Variants in CDYL observed in about 807,000 individuals in gnomAD.
CDYL encodes the protein chromodomain Y-like protein.
CDYL carries 8 observed loss-of-function variants against 47.3 expected under a neutral mutation model. The ratio of observed to expected loss-of-function variants is 0.17; its 90% CI spans 0.10 to 0.31. The LOEUF (loss-of-function observed/expected upper bound fraction) is 0.31, where lower values mean the gene tolerates loss of function less well. CDYL is among the 10% of genes least tolerant of loss of function. The probability of loss-of-function intolerance (pLI) is 1.00; values close to 1 mark genes in which losing one functional copy is unlikely to be tolerated. For synonymous variants in CDYL, 266 were observed against 265.0 expected (o/e 1.00, Z -0.04); for missense variants, 471 against 701.4 (o/e 0.67, Z 3.71).
chr6:4,923,046 A>G (rs545258003), intron 2 of CDYL, among the ~76,000 whole-genome samples: 1 of 152,356 alleles, frequency 6.6e-6, no homozygotes, highest in East Asian at 1.9e-4. Flanking sequence ...GACCAAATCC[A>G]TCACTTCAGA....
At chr6:4,757,164 A>G (rs1449499814) in intron 3 of CDYL, among the ~76,000 whole-genome samples, 1 of 152,232 alleles carries the variant, frequency 6.6e-6, no homozygotes, top group Non-Finnish European at 1.5e-5. Flanking sequence ...TAGTGTTGAA[A>G]TAGTTGTCAT....
At chr6:4,807,108 GCT>G (rs1759392213) in intron 1 of CDYL, among the ~76,000 whole-genome samples, 1 of 152,138 alleles carries the variant, frequency 6.6e-6, no homozygotes, top group South Asian at 2.1e-4. Flanking sequence ...TTAGATTAGG[GCT>G]CACCCTCTAG....
chr6:4,751,468 T>C (rs1012283500), intron 3 of CDYL, among the ~76,000 whole-genome samples: 1 of 152,256 alleles, frequency 6.6e-6, no homozygotes, highest in African/African-American at 2.4e-5. Context: ...TAAGTATACC[T>C]TTCCTACTTT....
chr6:4,891,572 T>G, intron 1 of CDYL, 141 bp from the exon 2 acceptor site: 1 of 668,582 alleles, frequency 1.5e-6, no homozygotes. Context: ...AATGGCCTAT[T>G]ACTATTTTAT....
chr6:4,917,229 T>G (rs1267354019), intron 2 of CDYL, among the ~76,000 whole-genome samples: 1 of 152,246 alleles, frequency 6.6e-6, no homozygotes, highest in African/African-American at 2.4e-5. Context: ...ATCTTAGATC[T>G]TAGAAGTACC....
At chr6:4,876,828 C>T (rs973938175) in intron 1 of CDYL, among the ~76,000 whole-genome samples, 1 of 152,062 alleles carries the variant, frequency 6.6e-6, no homozygotes, top group African/African-American at 2.4e-5. Flanking sequence ...TTTTGCGGGA[C>T]CAGAGGTAGA....
At chr6:4,761,700 G>GACC (rs1217401539) in intron 3 of CDYL, among the ~76,000 whole-genome samples, 1 of 152,168 alleles carries the variant, frequency 6.6e-6, no homozygotes, top group Non-Finnish European at 1.5e-5. Context: ...AATACCCAAA[G>GACC]ACCACCTACT....
At chr6:4,940,766 G>A (rs562665921) in intron 4 of CDYL, among the ~76,000 whole-genome samples, 2 of 152,318 alleles carry the variant, frequency 1.3e-5, no homozygotes, top group Admixed American at 6.5e-5. Context: ...GAGGGAGACC[G>A]GGGGCCCTGC....
At chr6:4,886,674 G>C (rs1211761725) in intron 1 of CDYL, among the ~76,000 whole-genome samples, 1 of 151,746 alleles carries the variant, frequency 6.6e-6, no homozygotes, top group Non-Finnish European at 1.5e-5. Flanking sequence ...CACTTTCTTG[G>C]TGGTATCCTT....
In CDYL at chr6:4,764,611, A is replaced by C. The variant is rs1758224753; in HGVS notation, c.186+29767A>C. Among the ~76,000 whole-genome samples, 3 of 152,194 alleles carry C rather than the reference A, an allele frequency of 2.0e-5. No individual in the cohort carries two copies. The South Asian group carries it at 6.2e-4, about 32-fold the overall frequency. The stretch of plus-strand genomic sequence containing the variant: ...TCAGTTGTAGGTATCTTAATATCAA[A>C]GTAGACAATGTAAAAAGCATTATTG... On this transcript the variant is annotated intron_variant, in intron 3 of 8. Coordinates refer to the CDYL transcript ENST00000328908.
At chr6:4,898,159 C>T (rs573645838) in intron 2 of CDYL, among the ~76,000 whole-genome samples, 90 of 152,156 alleles carry the variant, frequency 5.9e-4, no homozygotes, top group African/African-American at 2.0e-3. Flanking sequence ...TAAATCAAGG[C>T]TACAGTGAGC....
chr6:4,944,439 G>A (rs557424624), intron 5 of CDYL, among the ~76,000 whole-genome samples: 1 of 152,188 alleles, frequency 6.6e-6, no homozygotes, highest in Non-Finnish European at 1.5e-5. Flanking sequence ...TGCGGGAAGC[G>A]TTGCACCCTG....
At chr6:4,748,689 T>C (rs1757938562) in intron 3 of CDYL, among the ~76,000 whole-genome samples, 1 of 85,268 alleles carries the variant, frequency 1.2e-5, no homozygotes, top group Admixed American at 1.2e-4. Flanking sequence ...ACAAACAAAT[T>C]TTAGTAAAAA....
chr6:4,946,512 C>T (rs893970776), intron 5 of CDYL, among the ~76,000 whole-genome samples: 2 of 152,186 alleles, frequency 1.3e-5, no homozygotes, highest in Admixed American at 6.5e-5. Flanking sequence ...AGGCCACACT[C>T]GGTCACAGGG....
chr6:4,864,769 C>A (rs558435092), intron 1 of CDYL, among the ~76,000 whole-genome samples: 1 of 152,288 alleles, frequency 6.6e-6, no homozygotes, highest in East Asian at 1.9e-4. Context: ...TCTGAGGCCT[C>A]CCTAGGCATG....
chr6:4,773,278 T>TAG (rs1758365995), upstream of CDYL: 5 of 452,630 alleles, frequency 1.1e-5, no homozygotes, highest in East Asian at 7.0e-5. The surrounding 1 kb of genome is among the most constrained non-coding windows in gnomAD (Gnocchi z 4.6). Context: ...TCATATGTCT[T>TAG]ACTAGTGCAT....
intron 2 of CDYL, among the ~76,000 whole-genome samples, chr6:4,731,725 A>G (rs542075501): frequency 1.3e-5 from 2 of 152,152 alleles, no homozygotes; most frequent in Admixed American, 6.5e-5. Flanking sequence ...CTTGAACCCC[A>G]GAGGCAGAGG....
rs551216077 is a variant in CDYL at position 4,739,975 on chromosome 6, G to C, written c.186+5131G>C. ...TCTCAAAACAAAAAGAAAAAAAAAA[G>C]TAATTGATACACACTAAATTTCTGA... is the stretch of plus-strand genomic sequence containing the variant. On this transcript the variant is annotated intron_variant, in intron 3 of 8. Transcript: ENST00000328908. Among the ~76,000 whole-genome samples the C allele has an allele frequency of 1.4e-3, 213 of 151,942 alleles. 3 individuals are homozygous for C. The highest frequency in any genetic ancestry group is 4.9e-3 in the African/African-American group (203 of 41,480).
intron 1 of CDYL, among the ~76,000 whole-genome samples, chr6:4,781,464 G>T (rs1296646368): frequency 6.6e-6 from 1 of 152,192 alleles, no homozygotes; most frequent in African/African-American, 2.4e-5. Context: ...TTGACTTCAG[G>T]AGTTGATAGT....
Sources: gnomAD v4.1 joint callset for allele counts (sites outside exome capture counted in the v4.1 genomes callset) on GRCh38, gnomAD v4.1.1 for gene constraint, Gnocchi (gnomAD v3.1) non-coding constraint, MANE v1.5 for transcripts, NCBI Gene and HGNC (gene_info 2026-07-23, HGNC 2026-07-21) for gene names.